FGF13: variants seen among roughly 807,000 people sequenced by gnomAD.
The protein encoded by FGF13 is fibroblast growth factor homologous factor 2.
A neutral mutation model predicts 19.5 loss-of-function variants in FGF13; 2 were observed. The ratio of observed to expected loss-of-function variants is 0.10; its 90% confidence interval spans 0.04 to 0.32. The LOEUF (loss-of-function observed/expected upper bound fraction) is 0.32. Among genes scored for constraint, FGF13 ranks in the 10% least tolerant of loss-of-function variants. The pLI, the probability that FGF13 is intolerant of heterozygous loss-of-function variation, is 1.00. For synonymous variants in FGF13, 72 were observed against 76.9 expected (o/e 0.94, Z 0.33); for missense variants, 113 against 192.7 (o/e 0.59, Z 2.45).
intron 1 of FGF13, among the ~76,000 whole-genome samples, chrX:139,099,544 G>C (rs1325660331): frequency 9.0e-6 from 1 of 110,605 alleles, no homozygotes; most frequent in Non-Finnish European, 1.9e-5. Flanking sequence ...CTGGTCACAA[G>C]GTACTTCAAC....
intron 1 of FGF13, among the ~76,000 whole-genome samples, chrX:139,032,927 G>T (rs1249426674): frequency 9.8e-6 from 1 of 102,153 alleles, no homozygotes. Context: ...GTTCTTCTTT[G>T]AATTTTTTGG....
At chrX:138,982,669 C>CAT (rs2091968850) in intron 1 of FGF13, among the ~76,000 whole-genome samples, 2 of 110,934 alleles carry the variant, frequency 1.8e-5, no homozygotes, top group African/African-American at 6.6e-5. Context: ...CTTTAATACA[C>CAT]ATGATTTAGT....
intron 1 of FGF13, among the ~76,000 whole-genome samples, chrX:138,914,871 T>C (rs1192267732): frequency 9.0e-6 from 1 of 111,093 alleles, no homozygotes; most frequent in African/African-American, 3.3e-5. Flanking sequence ...TGTATCACCA[T>C]CTATACTCCA....
chrX:138,933,668 CCGAATTGGTCTTTATG>C (rs200459723), intron 1 of FGF13, among the ~76,000 whole-genome samples: 24,542 of 110,804 alleles, frequency 0.22, 2,583 homozygotes, highest in South Asian at 0.4. Flanking sequence ...GCATTGGCTT[CCGAATTGGTCTTTATG>C]CGAATTGGTC....
At chrX:138,833,890 G>C (rs1273528266) in intron 3 of FGF13, among the ~76,000 whole-genome samples, 1 of 111,880 alleles carries the variant, frequency 8.9e-6, no homozygotes, top group Non-Finnish European at 1.9e-5. Flanking sequence ...TTTATTGAAA[G>C]CCTTTTATGC....
At position 138,973,641 on chromosome X, in the gene FGF13, T is replaced by G. The variant is rs141654808; in HGVS notation, c.-112-108991A>C. Among the ~76,000 whole-genome samples, 1,108 of 111,861 alleles carry G rather than the reference T, an allele frequency of 9.9e-3. 13 individuals are homozygous for G. Among genetic ancestry groups the G allele is most frequent in the African/African-American group, 0.033 (1,028 of 30,799 alleles). On this transcript the variant is annotated intron_variant, in intron 1 of 2. Transcript: ENST00000421460. ...TGCAGTCTATCTTCCCTTTTAGGTC[T>G]ATTAATTTTTGCTTGATACAGTTTG...
At chrX:139,020,024 G>A (rs747516694) in intron 1 of FGF13, among the ~76,000 whole-genome samples, 1 of 110,642 alleles carries the variant, frequency 9.0e-6, no homozygotes, top group African/African-American at 3.3e-5. Flanking sequence ...TGTCAAACTA[G>A]CTGCCCTAAG....
chrX:139,015,847 G>A (rs2124378774), intron 1 of FGF13, among the ~76,000 whole-genome samples: 1 of 111,694 alleles, frequency 9.0e-6, no homozygotes, highest in East Asian at 2.8e-4. Flanking sequence ...CATGGTACTG[G>A]CATAAAAACA....
At chrX:138,855,962 CTGTGTGTGTGTGTG>C (rs35763167), downstream of FGF13, among the ~76,000 whole-genome samples, 1,117 of 101,316 alleles carry the variant, frequency 0.011, 17 homozygotes, top group African/African-American at 0.038. Flanking sequence ...AGTACAAAAA[CTGTGTGTGTGTGTG>C]TGTGTGTGTG....
chrX:139,184,866 A>G (rs6654362), intron 1 of FGF13, among the ~76,000 whole-genome samples: 48 of 112,502 alleles, frequency 4.3e-4, no homozygotes, highest in African/African-American at 1.5e-3. Context: ...AATCTTTTTC[A>G]TTCCTTCTTT....
intron 3 of FGF13, among the ~76,000 whole-genome samples, chrX:138,812,027 A>C (rs938023754): frequency 4.6e-5 from 5 of 109,841 alleles, no homozygotes; most frequent in African/African-American, 1.7e-4. Context: ...GAATGTTTTC[A>C]ACACCCCAAA....
chrX:138,652,284 T>A (rs759059910), intron 3 of FGF13, among the ~76,000 whole-genome samples: 2 of 111,213 alleles, frequency 1.8e-5, no homozygotes, highest in Admixed American at 1.9e-4. Flanking sequence ...CCCCTGACCA[T>A]CCTATATGAA....
At chrX:138,726,010 A>G (rs1236496150) in intron 1 of FGF13, among the ~76,000 whole-genome samples, 2 of 111,039 alleles carry the variant, frequency 1.8e-5, no homozygotes, top group Admixed American at 1.9e-4. Flanking sequence ...TTTGAGTATC[A>G]GTTTTCCTGC....
exon 3 of FGF13, chrX:138,857,541 A>G: frequency 8.3e-7 from 1 of 1,207,150 alleles, no homozygotes; most frequent in Non-Finnish European, 1.1e-6. Context: ...TTTGTGGTGT[A>G]CTTGCTTCAG....
intron 3 of FGF13, among the ~76,000 whole-genome samples, chrX:138,779,877 T>A: frequency 9.8e-6 from 1 of 101,973 alleles, no homozygotes; most frequent in African/African-American, 3.6e-5. Context: ...TTCACCAAAG[T>A]TGAAATGAAG....
At chrX:138,863,827 T>C (rs1436050674) in intron 2 of FGF13, among the ~76,000 whole-genome samples, 2 of 112,305 alleles carry the variant, frequency 1.8e-5, no homozygotes, top group African/African-American at 6.5e-5. Flanking sequence ...CACCCTGACT[T>C]GATGCTTTCT....
At chrX:138,717,392 T>C (rs1202128523) in intron 1 of FGF13, among the ~76,000 whole-genome samples, 1 of 112,007 alleles carries the variant, frequency 8.9e-6, no homozygotes, top group Admixed American at 9.4e-5. Context: ...TAAAACCTTT[T>C]ATGAATACAA....
intron 1 of FGF13, among the ~76,000 whole-genome samples, chrX:139,003,308 G>T (rs1483573772): frequency 9.0e-6 from 1 of 110,764 alleles, no homozygotes; most frequent in Admixed American, 9.6e-5. Flanking sequence ...TGGTCTCGCT[G>T]GGCTCAGGAG....
chrX:138,646,990 T>A (rs1270360237), intron 3 of FGF13, among the ~76,000 whole-genome samples: 1 of 110,994 alleles, frequency 9.0e-6, no homozygotes, highest in Non-Finnish European at 1.9e-5. Flanking sequence ...CACCCGTGAA[T>A]GTTTAACGGG....
Sources: allele counts gnomAD v4.1 joint callset (sites outside exome capture counted in the v4.1 genomes callset), GRCh38; gene constraint gnomAD v4.1.1; transcripts MANE v1.5; gene names NCBI Gene and HGNC (gene_info 2026-07-23, HGNC 2026-07-21).